ULK4: variants seen among roughly 807,000 people sequenced by gnomAD.
ULK4 encodes unc-51 like kinase 4, also known as inactive serine/threonine-protein kinase ULK4.
A neutral mutation model predicts 160.6 loss-of-function variants in ULK4; 133 were observed. The observed-to-expected ratio is 0.83, with a 90% CI of 0.72 to 0.96. The LOEUF is 0.96. Ranked by LOEUF, ULK4 falls within the 40% of genes least tolerant of loss-of-function variation. The pLI is 0.00. For synonymous variants in ULK4, 534 were observed against 539.8 expected (o/e 0.99, Z 0.15); for missense variants, 1,580 against 1,499.5 (o/e 1.05, Z -0.89).
chr3:41,678,227 G>C (rs866268911), intron 29 of ULK4, among the ~76,000 whole-genome samples: 1,936 of 132,070 alleles, frequency 0.015, 38 homozygotes, highest in African/African-American at 0.048. Context: ...CACACACACA[G>C]AGCTCCTACT....
At chr3:41,369,393 C>A (rs1427747932) in intron 35 of ULK4, among the ~76,000 whole-genome samples, 2 of 151,962 alleles carry the variant, frequency 1.3e-5, no homozygotes, top group Non-Finnish European at 2.9e-5. Flanking sequence ...ACTCAGGAGG[C>A]TGAGGTGAGA....
chr3:41,352,898 A>G (rs1300035705), intron 35 of ULK4, among the ~76,000 whole-genome samples: 3 of 152,202 alleles, frequency 2.0e-5, no homozygotes, highest in Non-Finnish European at 2.9e-5. Context: ...AGCAGGGCAC[A>G]TGCATTTTTT....
Position 41,452,803 on chromosome 3 carries a change from C to T in ULK4, c.3492+2694G>A, listed in dbSNP as rs932114605. ...ATGCATCTGGAAATGACTCCATGTTCGAGCTAAGAATATCTTCCATTCATA... is the reference window on the plus strand; with the variant it reads ...ATGCATCTGGAAATGACTCCATGTTTGAGCTAAGAATATCTTCCATTCATA... On this transcript the variant is annotated intron_variant, in intron 34 of 36. Coordinates refer to ENST00000301831, the MANE Select transcript of ULK4 (RefSeq NM_017886.4). Among the ~76,000 whole-genome samples, 16 of 152,032 alleles carry T rather than the reference C, an allele frequency of 1.1e-4. No homozygotes were observed. The East Asian group carries it at 2.5e-3, about 24-fold the overall frequency.
intron 32 of ULK4, among the ~76,000 whole-genome samples, chr3:41,537,605 A>G (rs1019560697): frequency 2.0e-5 from 3 of 152,198 alleles, no homozygotes; most frequent in African/African-American, 7.2e-5. Context: ...GGTAGCCACA[A>G]CCATTGTCCA....
At chr3:41,261,759 G>A (rs1466106865) in intron 35 of ULK4, among the ~76,000 whole-genome samples, 2 of 152,208 alleles carry the variant, frequency 1.3e-5, no homozygotes, top group Non-Finnish European at 2.9e-5. Flanking sequence ...AAAGGAGTCT[G>A]TGGATCCTGT....
intron 22 of ULK4, among the ~76,000 whole-genome samples, chr3:41,736,974 G>A (rs2038076492): frequency 6.6e-6 from 1 of 151,842 alleles, no homozygotes; most frequent in Non-Finnish European, 1.5e-5. Flanking sequence ...GCTTGTGTTT[G>A]TCAGGTTTGT....
intron 35 of ULK4, among the ~76,000 whole-genome samples, chr3:41,291,955 C>G (rs946108800): frequency 6.6e-6 from 1 of 152,000 alleles, no homozygotes; most frequent in Middle Eastern, 3.4e-3. Context: ...CTCAGCCTTC[C>G]GAGTAGCTGG....
intron 34 of ULK4, among the ~76,000 whole-genome samples, chr3:41,402,412 A>AGT: frequency 6.6e-6 from 1 of 152,158 alleles, no homozygotes; most frequent in South Asian, 2.1e-4. Context: ...GATTAGTGTG[A>AGT]GTAGACACTC....
At chr3:41,578,061 T>C (rs924861466) in intron 31 of ULK4, among the ~76,000 whole-genome samples, 15 of 152,210 alleles carry the variant, frequency 9.9e-5, no homozygotes, top group African/African-American at 3.6e-4. Flanking sequence ...ACATAATGCA[T>C]GCTAACCCTC....
intron 29 of ULK4, among the ~76,000 whole-genome samples, chr3:41,664,372 G>A (rs1461268771): frequency 6.6e-6 from 1 of 152,166 alleles, no homozygotes; most frequent in Non-Finnish European, 1.5e-5. Context: ...AGGACTAGAG[G>A]ATGTCATGTG....
At chr3:41,842,526 G>A (rs1251965015) in intron 17 of ULK4, among the ~76,000 whole-genome samples, 1 of 152,136 alleles carries the variant, frequency 6.6e-6, no homozygotes, top group Non-Finnish European at 1.5e-5. Flanking sequence ...TGCCATTCTT[G>A]TGGGATTGAG....
chr3:41,417,562 C>G (rs1026265972), intron 34 of ULK4, among the ~76,000 whole-genome samples: 11 of 152,104 alleles, frequency 7.2e-5, no homozygotes, highest in African/African-American at 2.7e-4. Context: ...TCCAAGAAGG[C>G]AGATAACTGA....
chr3:41,938,053 T>C, intron 3 of ULK4, 45 bp downstream of exon 3: 1 of 1,410,930 alleles, frequency 7.1e-7, no homozygotes, highest in Non-Finnish European at 9.6e-7. Flanking sequence ...AGCATGTTTT[T>C]TTTCAATACT....
intron 25 of ULK4, among the ~76,000 whole-genome samples, chr3:41,709,554 T>C (rs2037019658): frequency 6.6e-6 from 1 of 152,060 alleles, no homozygotes; most frequent in Non-Finnish European, 1.5e-5. Context: ...GCCCAGTTAA[T>C]TTTTGTACTT....
At chr3:41,613,519 A>G (rs1029806836) in intron 31 of ULK4, among the ~76,000 whole-genome samples, 2 of 148,162 alleles carry the variant, frequency 1.3e-5, no homozygotes, top group East Asian at 1.9e-4. Flanking sequence ...AAAATCTGAA[A>G]AAAAAAAAAT....
At chr3:41,267,157 T>A (rs1258488031) in intron 35 of ULK4, among the ~76,000 whole-genome samples, 1 of 151,758 alleles carries the variant, frequency 6.6e-6, no homozygotes, top group African/African-American at 2.4e-5. Context: ...CTAAGTTGCC[T>A]CCCCTTGCCC....
At chr3:41,477,666 T>C (rs2084184619) in intron 32 of ULK4, among the ~76,000 whole-genome samples, 1 of 152,222 alleles carries the variant, frequency 6.6e-6, no homozygotes, top group Non-Finnish European at 1.5e-5. Context: ...GTTTTTAAAC[T>C]GAAGAACTTT....
chr3:41,728,069 A>G (rs1417530380), intron 22 of ULK4, among the ~76,000 whole-genome samples: 3 of 152,230 alleles, frequency 2.0e-5, no homozygotes, highest in Admixed American at 2.0e-4. Flanking sequence ...AATCTTTATC[A>G]GACATTAACG....
At chr3:41,610,379 G>C (rs2032614744) in intron 31 of ULK4, among the ~76,000 whole-genome samples, 1 of 152,014 alleles carries the variant, frequency 6.6e-6, no homozygotes, top group African/African-American at 2.4e-5. Context: ...GCAAAATTTT[G>C]TTCATGGTAT....
Sources: gnomAD v4.1 joint callset for allele counts (sites outside exome capture counted in the v4.1 genomes callset) on GRCh38, gnomAD v4.1.1 for gene constraint, MANE v1.5 for transcripts, NCBI Gene and HGNC (gene_info 2026-07-23, HGNC 2026-07-21) for gene names.